RBFOX1: variants seen among roughly 807,000 people sequenced by gnomAD.
RBFOX1 encodes RNA binding protein fox-1 homolog 1.
In RBFOX1, 8 loss-of-function variants were observed where a neutral mutation model predicts 57.7. That is an observed-to-expected ratio of 0.14 (90% confidence interval 0.08 to 0.25). RBFOX1 has a LOEUF of 0.25. Among genes scored for constraint, RBFOX1 ranks in the 10% least tolerant of loss-of-function variants. RBFOX1 has a pLI of 1.00. For missense variants in RBFOX1, 611 were observed against 548.5 expected (o/e 1.11, Z -1.14); for synonymous variants, 326 against 222.4 (o/e 1.47, Z -4.15).
At chr16:7,178,997 G>A (rs1033448174) in intron 4 of RBFOX1, among the ~76,000 whole-genome samples, 1 of 152,076 alleles carries the variant, frequency 6.6e-6, no homozygotes, top group Admixed American at 6.6e-5. Flanking sequence ...CATATGGCGG[G>A]TGATAAACTA....
At chr16:7,121,586 G>C (rs962062443) in intron 4 of RBFOX1, among the ~76,000 whole-genome samples, 1 of 151,970 alleles carries the variant, frequency 6.6e-6, no homozygotes, top group East Asian at 1.9e-4. Flanking sequence ...TATATACATA[G>C]ATTCAAAGAC....
At position 6,985,786 on chromosome 16, in the gene RBFOX1, T is replaced by C. The variant is rs1273680472; in HGVS notation, c.-15-66271T>C. ...GAGGCAGAGGTTGCAATGAGCTTAGTTGGTGCTACTGCACTCCGGCCTGGG... is the reference window on the plus strand; with the variant it reads ...GAGGCAGAGGTTGCAATGAGCTTAGCTGGTGCTACTGCACTCCGGCCTGGG... On this transcript the variant is annotated intron_variant, in intron 3 of 15. Transcript: ENST00000550418. Among the ~76,000 whole-genome samples, 7 of 144,022 alleles carry C rather than the reference T, an allele frequency of 4.9e-5. No homozygotes were observed. The East Asian group carries it at 1.2e-3, about 25-fold the overall frequency. 94.5% of individuals were successfully genotyped at this position (144,022 alleles called of 152,430 possible).
chr16:6,345,960 G>C (rs966843276), intron 2 of RBFOX1, among the ~76,000 whole-genome samples: 1 of 152,208 alleles, frequency 6.6e-6, no homozygotes, highest in African/African-American at 2.4e-5. Flanking sequence ...AAGACTCAAA[G>C]CGGGGAGGGG....
chr16:6,243,064 A>G (rs17139665), intron 1 of RBFOX1, among the ~76,000 whole-genome samples: 18,741 of 152,176 alleles, frequency 0.12, 1,249 homozygotes, highest in Middle Eastern at 0.25. Flanking sequence ...GAGTGAAGGT[A>G]AATATTCCCA....
chr16:7,413,199 C>T (rs2098446561), intron 4 of RBFOX1, among the ~76,000 whole-genome samples: 1 of 152,134 alleles, frequency 6.6e-6, no homozygotes, highest in African/African-American at 2.4e-5. Context: ...TTTCCCAGGA[C>T]ACACCATTGA....
intron 10 of RBFOX1, among the ~76,000 whole-genome samples, chr16:7,623,957 C>T (rs762602381): frequency 6.6e-6 from 1 of 152,170 alleles, no homozygotes; most frequent in Non-Finnish European, 1.5e-5. Context: ...TTCTGAAGTA[C>T]TCAGAGTTAT....
chr16:7,506,955 A>C (rs2151961171), intron 4 of RBFOX1, among the ~76,000 whole-genome samples: 1 of 152,350 alleles, frequency 6.6e-6, no homozygotes, highest in East Asian at 1.9e-4. Flanking sequence ...ATGTGCATAC[A>C]GGACTTTCTA....
At chr16:7,256,698 C>G (rs541068454) in intron 4 of RBFOX1, among the ~76,000 whole-genome samples, 1 of 152,306 alleles carries the variant, frequency 6.6e-6, no homozygotes, top group East Asian at 1.9e-4. Flanking sequence ...TAATCGCTCC[C>G]TGTCTCATTG....
At position 5,985,472 on chromosome 16, in the gene RBFOX1, G is replaced by A. The variant is rs151313828; in HGVS notation, c.351+118137G>A. Among the ~76,000 whole-genome samples, 1,308 of 152,230 alleles carry A rather than the reference G, an allele frequency of 8.6e-3. 20 individuals carry two copies. Among genetic ancestry groups the A allele is most frequent in the African/African-American group, 0.03 (1,248 of 41,534 alleles). Reference sequence around the variant, plus strand: ...AAGAAATGAGGCACAGAGGAGTTAAGTGATGGGCCCAAAGCCACAGAAGCT... The same window carrying A: ...AAGAAATGAGGCACAGAGGAGTTAAATGATGGGCCCAAAGCCACAGAAGCT... On this transcript the variant is annotated intron_variant, in intron 4 of 19. Transcript: ENST00000641259.
chr16:5,363,366 A>G (rs1386840272), intron 1 of RBFOX1, among the ~76,000 whole-genome samples: 2 of 152,156 alleles, frequency 1.3e-5, no homozygotes, highest in Non-Finnish European at 2.9e-5. Flanking sequence ...AATATTTGGA[A>G]GTGGGATTGC....
chr16:5,556,924 C>T (rs1194371481), intron 2 of RBFOX1, among the ~76,000 whole-genome samples: 3 of 152,162 alleles, frequency 2.0e-5, no homozygotes, highest in Non-Finnish European at 4.4e-5. Flanking sequence ...ACTCCTTCAG[C>T]TTTGCTGAAG....
chr16:7,578,876 C>A (rs1242686551), intron 5 of RBFOX1, among the ~76,000 whole-genome samples: 1 of 152,110 alleles, frequency 6.6e-6, no homozygotes, highest in East Asian at 1.9e-4. Flanking sequence ...TGACTTTTCC[C>A]CTCGTTCCTG....
intron 4 of RBFOX1, among the ~76,000 whole-genome samples, chr16:7,054,219 G>GC (rs1351686339): frequency 1.9e-5 from 2 of 106,820 alleles, no homozygotes; most frequent in African/African-American, 3.5e-5. Context: ...TTTTCGGGGG[G>GC]GGGGGGCGGG....
At chr16:7,115,615 G>A (rs942085038) in intron 4 of RBFOX1, among the ~76,000 whole-genome samples, 1 of 152,196 alleles carries the variant, frequency 6.6e-6, no homozygotes, top group African/African-American at 2.4e-5. Flanking sequence ...CTCTGGAAAG[G>A]TGTCTTGGGA....
intron 3 of RBFOX1, among the ~76,000 whole-genome samples, chr16:6,673,165 G>A (rs2098778350): frequency 6.6e-6 from 1 of 152,154 alleles, no homozygotes; most frequent in Non-Finnish European, 1.5e-5. Flanking sequence ...ACACTTCCCA[G>A]GCTCATCATT....
intron 3 of RBFOX1, among the ~76,000 whole-genome samples, chr16:6,829,238 T>C (rs1333356863): frequency 8.3e-6 from 1 of 120,626 alleles, no homozygotes; most frequent in Non-Finnish European, 1.7e-5. Flanking sequence ...GTTAATGAAA[T>C]GCAGTCAGAA....
chr16:7,709,281 C>T, intron 15 of RBFOX1, 150 bp downstream of exon 15: 17 of 936,470 alleles, frequency 1.8e-5, no homozygotes, highest in Non-Finnish European at 2.7e-5. Flanking sequence ...CATTAATCCT[C>T]CCAGTAAACT....
intron 3 of RBFOX1, among the ~76,000 whole-genome samples, chr16:6,730,144 C>G (rs1216265255): frequency 6.6e-6 from 1 of 152,008 alleles, no homozygotes; most frequent in Non-Finnish European, 1.5e-5. Flanking sequence ...ATTTGCTTCC[C>G]TAAAAGAAGC....
intron 4 of RBFOX1, among the ~76,000 whole-genome samples, chr16:5,984,967 TATATATA>T (rs1489219408): frequency 1.7e-3 from 95 of 55,358 alleles, no homozygotes; most frequent in East Asian, 3.8e-3. Flanking sequence ...TATATATATA[TATATATA>T]TATTTTTTTT....
Sources: gnomAD v4.1 joint callset for allele counts (sites outside exome capture counted in the v4.1 genomes callset) on GRCh38, gnomAD v4.1.1 for gene constraint, MANE v1.5 for transcripts, NCBI Gene and HGNC (gene_info 2026-07-23, HGNC 2026-07-21) for gene names.